The following FRYL variants were observed in gnomAD, a reference collection of about 807,000 sequenced individuals.
FRYL encodes the protein protein furry homolog-like.
Under a neutral mutation model 351.2 loss-of-function variants are expected in FRYL, and 150 were observed. That is an observed-to-expected ratio of 0.43 (90% CI 0.37 to 0.49). FRYL has a LOEUF of 0.49. Among genes scored for constraint, FRYL ranks in the 20% least tolerant of loss-of-function variants. The pLI is 0.00. For synonymous variants in FRYL, 1,153 were observed against 1,257.1 expected (o/e 0.92, Z 1.75); for missense variants, 3,036 against 3,619.3 (o/e 0.84, Z 4.13).
At chr4:48,744,628 TAAG>T (rs1032005225) in intron 1 of FRYL, among the ~76,000 whole-genome samples, 3 of 152,160 alleles carry the variant, frequency 2.0e-5, no homozygotes, top group African/African-American at 7.2e-5. Flanking sequence ...AAAACTGCAT[TAAG>T]GAGAAATGTC....
chr4:48,607,038 C>T (rs1387529443), intron 9 of FRYL, among the ~76,000 whole-genome samples: 2 of 152,096 alleles, frequency 1.3e-5, no homozygotes, highest in Non-Finnish European at 2.9e-5. Flanking sequence ...AGAGATAAGC[C>T]AATCAATCAT....
At position 48,761,981 on chromosome 4, in the gene FRYL, A is replaced by G. The variant is rs77312375; in HGVS notation, c.-384+18097T>C. Among the ~76,000 whole-genome samples, 36 of 152,296 alleles carry G rather than the reference A, an allele frequency of 2.4e-4. No individual in the cohort carries two copies. In the East Asian group the frequency reaches 6.4e-3, roughly 27 times the overall value. The stretch of plus-strand genomic sequence containing the variant: ...GGGACCTTTAGGAAGTAATCAGGTT[A>G]TGAGGGTAGATTCCTCATGAATAGG... On this transcript the variant is annotated intron_variant, in intron 1 of 63. Coordinates refer to ENST00000358350, the MANE Select transcript of FRYL (RefSeq NM_015030.2).
At chr4:48,508,430 C>T (rs1721761437) in intron 59 of FRYL, among the ~76,000 whole-genome samples, 1 of 152,132 alleles carries the variant, frequency 6.6e-6, no homozygotes, top group African/African-American at 2.4e-5. Flanking sequence ...TAATTTTTCT[C>T]AATATTTGCA....
intron 16 of FRYL, among the ~76,000 whole-genome samples, chr4:48,591,433 CT>C (rs1382774877): frequency 6.6e-6 from 1 of 152,140 alleles, no homozygotes; most frequent in African/African-American, 2.4e-5. Flanking sequence ...ATGGAAGAAA[CT>C]TTCCCCAAAT....
chr4:48,610,169 G>C (rs913568880), intron 7 of FRYL, among the ~76,000 whole-genome samples: 1 of 152,108 alleles, frequency 6.6e-6, no homozygotes, highest in Non-Finnish European at 1.5e-5. Flanking sequence ...AAGCACCTTT[G>C]TAATGAGTCA....
intron 2 of FRYL, among the ~76,000 whole-genome samples, chr4:48,708,534 A>G (rs944253074): frequency 1.3e-5 from 2 of 152,170 alleles, no homozygotes; most frequent in Non-Finnish European, 2.9e-5. Flanking sequence ...AACCTGTCCC[A>G]AACACAGTGG....
chr4:48,606,431 A>G lies in FRYL; in HGVS notation c.741+7T>C, dbSNP rs752202749. On this transcript the variant is annotated splice_region_variant and intron_variant, in intron 10 of 63. Transcript: ENST00000358350. ...CTCTATTTACTGTCATTTAGAAGGT[A>G]TATCACCTGCATAAATTGAAATGAT... 1.9e-6 allele frequency: 3 copies of G among 1,596,846 alleles called. No individual in the cohort carries two copies. The highest frequency in any genetic ancestry group is 1.1e-5 in the South Asian group (1 of 90,138).
chr4:48,593,204 T>C (rs1023404187), intron 16 of FRYL, among the ~76,000 whole-genome samples: 2 of 149,120 alleles, frequency 1.3e-5, no homozygotes, highest in African/African-American at 4.9e-5. Context: ...TCAATAAATG[T>C]TGAATGAATG....
intron 1 of FRYL, among the ~76,000 whole-genome samples, chr4:48,751,838 A>ATTT (rs11413230): frequency 1.4e-4 from 21 of 145,554 alleles, no homozygotes; most frequent in African/African-American, 2.8e-4. Context: ...AAGAGATTCA[A>ATTT]TTTTTTTTTT....
intron 3 of FRYL, among the ~76,000 whole-genome samples, chr4:48,643,816 C>A (rs1014702033): frequency 6.6e-6 from 1 of 152,024 alleles, no homozygotes; most frequent in African/African-American, 2.4e-5. Context: ...AAAGGACAAG[C>A]GCTTCCTAAT....
At chr4:48,710,299 G>C (rs1357904833) in intron 2 of FRYL, among the ~76,000 whole-genome samples, 2 of 152,164 alleles carry the variant, frequency 1.3e-5, no homozygotes, top group Non-Finnish European at 2.9e-5. Context: ...GGCACATAAA[G>C]TGCACAGGCA....
At chr4:48,501,876 C>A in intron 61 of FRYL, 143 bp from the exon 62 acceptor site, 2 of 588,050 alleles carry the variant, frequency 3.4e-6, no homozygotes, top group Non-Finnish European at 3.0e-6. Context: ...ATGAAAGGCA[C>A]GTGAAATATG....
intron 1 of FRYL, among the ~76,000 whole-genome samples, chr4:48,774,806 G>A (rs1032413954): frequency 6.6e-6 from 1 of 152,026 alleles, no homozygotes; most frequent in African/African-American, 2.4e-5. Context: ...CTCAGTCTCC[G>A]AGTGCCGGGA....
intron 13 of FRYL, among the ~76,000 whole-genome samples, chr4:48,597,551 A>G (rs1744847093): frequency 6.6e-6 from 1 of 152,126 alleles, no homozygotes; most frequent in African/African-American, 2.4e-5. Flanking sequence ...CCTCCTCTCA[A>G]TTTTACTGTG....
chr4:48,694,889 T>C (rs959917130), intron 2 of FRYL, among the ~76,000 whole-genome samples: 12 of 152,008 alleles, frequency 7.9e-5, no homozygotes, highest in Admixed American at 5.9e-4. Flanking sequence ...CTGGGCAACA[T>C]AGTGAAACCT....
intron 55 of FRYL, 32 bp downstream of exon 55, chr4:48,521,016 T>C (rs771316055): frequency 4.6e-6 from 7 of 1,531,318 alleles, no homozygotes; most frequent in Admixed American, 2.0e-5. Context: ...AGAGCCCAGA[T>C]TGGCCATGCA....
rs148772940 is a variant in FRYL at position 48,649,668 on chromosome 4, C to T, written c.-80-15178G>A. On this transcript the variant is annotated intron_variant, in intron 3 of 63. Transcript: ENST00000358350. Reference sequence around the variant, plus strand: ...ATTCAGTTTTTAAAAGAAGTAATGCCTAAAACTGTTGGCACAAAGACAAAA... The same window carrying T: ...ATTCAGTTTTTAAAAGAAGTAATGCTTAAAACTGTTGGCACAAAGACAAAA... Among the ~76,000 whole-genome samples the T allele has an allele frequency of 6.6e-5, 10 of 152,216 alleles. No individual in the cohort carries two copies. The East Asian group carries it at 1.9e-3, about 29-fold the overall frequency.
chr4:48,703,901 C>T (rs1767026324), intron 2 of FRYL, among the ~76,000 whole-genome samples: 1 of 152,014 alleles, frequency 6.6e-6, no homozygotes, highest in African/African-American at 2.4e-5. Flanking sequence ...TAAATAAAGT[C>T]AAAAAGGTCA....
At chr4:48,755,477 TCTAC>T (rs1773680696) in intron 1 of FRYL, among the ~76,000 whole-genome samples, 1 of 152,204 alleles carries the variant, frequency 6.6e-6, no homozygotes, top group East Asian at 1.9e-4. Context: ...CAATCACATT[TCTAC>T]CTAATTGTAT....
Sources: allele counts gnomAD v4.1 joint callset (sites outside exome capture counted in the v4.1 genomes callset), GRCh38; gene constraint gnomAD v4.1.1; transcripts MANE v1.5; gene names NCBI Gene and HGNC (gene_info 2026-07-23, HGNC 2026-07-21).